The following PTBP2 variants were observed in gnomAD, a reference collection of about 807,000 sequenced individuals.
PTBP2 encodes the protein polypyrimidine tract binding protein 2.
PTBP2 carries 13 observed loss-of-function variants against 61.4 expected under a neutral mutation model. The observed-to-expected ratio is 0.21, with a 90% confidence interval of 0.14 to 0.34. The LOEUF (loss-of-function observed/expected upper bound fraction) is 0.34, where lower values mean the gene tolerates loss of function less well. PTBP2 is among the 10% of genes least tolerant of loss of function. PTBP2 has a pLI of 1.00. For synonymous variants in PTBP2, 215 were observed against 218.5 expected (o/e 0.98, Z 0.14); for missense variants, 405 against 642.6 (o/e 0.63, Z 4.00).
At chr1:96,791,835 T>TTTTTTTTTTG (rs1557759220) in intron 8 of PTBP2, among the ~76,000 whole-genome samples, 1 of 30,518 alleles carries the variant, frequency 3.3e-5, no homozygotes, top group African/African-American at 1.9e-4. Context: ...GCTTTTTTTT[T>TTTTTTTTTTG]TTTTTTTTTT....
chr1:96,746,463 CTT>C (rs1458524139), intron 2 of PTBP2, among the ~76,000 whole-genome samples: 1 of 151,932 alleles, frequency 6.6e-6, no homozygotes, highest in Non-Finnish European at 1.5e-5. Flanking sequence ...GGATGTTTCT[CTT>C]TTGTGAAATT....
chr1:96,809,128 A>G (rs1290253373), intron 11 of PTBP2, among the ~76,000 whole-genome samples: 3 of 152,212 alleles, frequency 2.0e-5, no homozygotes, highest in Admixed American at 1.3e-4. Context: ...CTCAAAATAT[A>G]TAAATAATAA....
intron 1 of PTBP2, among the ~76,000 whole-genome samples, chr1:96,722,359 C>T (rs1389234797): frequency 6.6e-6 from 1 of 152,004 alleles, no homozygotes; most frequent in Non-Finnish European, 1.5e-5. Context: ...AGCAACCTCT[C>T]CGGCCTCGCC....
chr1:96,809,288 G>T (rs1361879659), intron 11 of PTBP2, among the ~76,000 whole-genome samples: 1 of 152,124 alleles, frequency 6.6e-6, no homozygotes, highest in Non-Finnish European at 1.5e-5. Flanking sequence ...AGAATTATGT[G>T]TCTAAGTTAT....
intron 3 of PTBP2, among the ~76,000 whole-genome samples, chr1:96,758,906 A>G (rs558862592): frequency 2.0e-4 from 31 of 152,278 alleles, no homozygotes; most frequent in South Asian, 4.1e-4. Flanking sequence ...AGAAGACCTG[A>G]AGGACTCTAC....
chr1:96,727,033 T>C (rs1650655329), intron 2 of PTBP2, among the ~76,000 whole-genome samples: 1 of 152,208 alleles, frequency 6.6e-6, no homozygotes, highest in East Asian at 1.9e-4. Context: ...CCCTACAGTA[T>C]CATCTTGCGC....
At chr1:96,774,253 C>G (rs528826042) in intron 5 of PTBP2, among the ~76,000 whole-genome samples, 1 of 152,060 alleles carries the variant, frequency 6.6e-6, no homozygotes, top group South Asian at 2.1e-4. Context: ...ATGAACTAGA[C>G]TTTCTGTTCG....
At chr1:96,753,424 A>G (rs1462908962) in intron 3 of PTBP2, among the ~76,000 whole-genome samples, 1 of 152,158 alleles carries the variant, frequency 6.6e-6, no homozygotes, top group Non-Finnish European at 1.5e-5. Flanking sequence ...TCACCAGTTA[A>G]TCTAACCAGT....
chr1:96,818,909 G>C (rs867260988), downstream of PTBP2: 1 of 151,880 alleles, frequency 6.6e-6, no homozygotes. Context: ...CCAAGTCCCT[G>C]GCTTTCCAAT....
chr1:96,820,138 G>A (rs549114261), exon 14 of PTBP2: 21 of 151,994 alleles, frequency 1.4e-4, no homozygotes, highest in African/African-American at 4.6e-4. Context: ...TACTTCATAT[G>A]TTCACTTATA....
In PTBP2 at chr1:96,785,147, A is replaced by G. The variant is rs771286928; in HGVS notation, c.797A>G (p.Asn266Ser). The change falls in exon 8 of 14, where the codon AAT (asparagine) becomes AGT (serine). Residue 266 changes from asparagine (N) to serine (S), a missense_variant. Coordinates refer to ENST00000674951, the MANE Select transcript of PTBP2 (RefSeq NM_021190.4). ...GTGAATTTGAATGTAAAATACAACA[A>G]TGATAAAAGTAGGGATTATACTCGA... The part of the protein sequence containing the change: ...KLVNLNVKYN[N>S]DKSRDYTRPD... The G allele has an allele frequency of 2.5e-6, 4 of 1,610,390 alleles. No individual in the cohort carries two copies. Among genetic ancestry groups the G allele is most frequent in the Non-Finnish European group, 3.4e-6 (4 of 1,177,486 alleles).
chr1:96,755,113 A>T (rs1655010206), intron 3 of PTBP2, among the ~76,000 whole-genome samples: 1 of 152,246 alleles, frequency 6.6e-6, no homozygotes, highest in Non-Finnish European at 1.5e-5. Flanking sequence ...ACTTCTATCC[A>T]GAATATTAAA....
intron 2 of PTBP2, among the ~76,000 whole-genome samples, chr1:96,740,071 G>T (rs1347663945): frequency 6.6e-6 from 1 of 152,076 alleles, no homozygotes; most frequent in Non-Finnish European, 1.5e-5. Flanking sequence ...TGTCCTCAGG[G>T]TCCATCCATT....
chr1:96,796,572 A>G (rs1190461361), intron 8 of PTBP2, among the ~76,000 whole-genome samples: 11 of 152,226 alleles, frequency 7.2e-5, no homozygotes, highest in Non-Finnish European at 2.9e-5. Context: ...AAATTCAGCT[A>G]AAAGTGGATA....
intron 3 of PTBP2, among the ~76,000 whole-genome samples, chr1:96,753,566 G>T (rs1238627306): frequency 6.6e-6 from 1 of 151,852 alleles, no homozygotes; most frequent in African/African-American, 2.4e-5. Flanking sequence ...TACAAGTGAT[G>T]TGCAGAAGCA....
chr1:96,721,981 G>T, intron 1 of PTBP2, 109 bp downstream of exon 1: 1 of 1,448,570 alleles, frequency 6.9e-7, no homozygotes, highest in Non-Finnish European at 9.5e-7. Flanking sequence ...CCAGGGCTGG[G>T]CTGCCGTTAC....
rs752943417 is a variant in PTBP2 at position 96,721,890 on chromosome 1, C to T, written c.8+18C>T. On this transcript the variant is annotated intron_variant, in intron 1 of 13. Transcript: ENST00000674951. ...ATGGACGGGTATGTAATCGGGCCGG[C>T]GAGAAGGTGTGTGTGAGAGAGGAGT... 1 of 1,573,770 alleles carries T rather than the reference C, an allele frequency of 6.4e-7. No individual in the cohort carries two copies. Among genetic ancestry groups the T allele is most frequent in the Non-Finnish European group, 8.6e-7 (1 of 1,159,352 alleles).
downstream of PTBP2, chr1:96,818,635 G>A (rs1361846314): frequency 6.6e-6 from 1 of 152,066 alleles, no homozygotes; most frequent in East Asian, 1.9e-4. Context: ...AGATTGGCAG[G>A]TGATGCATTT....
intron 2 of PTBP2, among the ~76,000 whole-genome samples, chr1:96,736,633 T>A (rs1652231089): frequency 6.6e-6 from 1 of 152,318 alleles, no homozygotes; most frequent in African/African-American, 2.4e-5. Context: ...GGATAATATT[T>A]TGGTATTTTG....
Sources: allele counts gnomAD v4.1 joint callset (sites outside exome capture counted in the v4.1 genomes callset), GRCh38; gene constraint gnomAD v4.1.1; transcripts MANE v1.5; gene names NCBI Gene and HGNC (gene_info 2026-07-23, HGNC 2026-07-21).